Variants in TGFBR2 observed in about 807,000 individuals in gnomAD.
TGFBR2 encodes transforming growth factor beta receptor 2.
A neutral mutation model predicts 49.0 loss-of-function variants in TGFBR2; 18 were observed. The ratio of observed to expected loss-of-function variants is 0.37; its 90% CI spans 0.25 to 0.54. The LOEUF is 0.54. Ranked by LOEUF, TGFBR2 falls within the 20% of genes least tolerant of loss-of-function variation. The pLI is 0.85. For missense variants in TGFBR2, 525 were observed against 722.6 expected (o/e 0.73, Z 3.13); for synonymous variants, 282 against 275.9 (o/e 1.02, Z -0.22).
chr3:30,640,830 G>C (rs2125401224), intron 1 of TGFBR2, among the ~76,000 whole-genome samples: 1 of 152,256 alleles, frequency 6.6e-6, no homozygotes, highest in South Asian at 2.1e-4. Context: ...GTTTGCTATA[G>C]GGTTAATTAG....
chr3:30,647,476 A>G (rs1225290704), intron 2 of TGFBR2, among the ~76,000 whole-genome samples: 1 of 152,146 alleles, frequency 6.6e-6, no homozygotes, highest in Non-Finnish European at 1.5e-5. Context: ...AGGCTATTGT[A>G]AAAATAGCCA....
At chr3:30,626,931 A>G (rs1698341938) in intron 1 of TGFBR2, 1 of 152,234 alleles carries the variant, frequency 6.6e-6, no homozygotes, top group African/African-American at 2.4e-5. Context: ...AAAGGTAATC[A>G]GATTATGGGA....
intron 1 of TGFBR2, among the ~76,000 whole-genome samples, chr3:30,608,093 C>T (rs1217627451): frequency 6.6e-6 from 1 of 151,762 alleles, no homozygotes; most frequent in Non-Finnish European, 1.5e-5. Flanking sequence ...CGCGTGCCAC[C>T]ACGCCCAGCT....
chr3:30,678,752 A>G (rs1264084208), intron 5 of TGFBR2, among the ~76,000 whole-genome samples: 1 of 152,132 alleles, frequency 6.6e-6, no homozygotes, highest in Non-Finnish European at 1.5e-5. Flanking sequence ...CTGTACTGAG[A>G]GAGTCCCTAG....
chr3:30,611,194 A>G (rs553577188), intron 1 of TGFBR2, among the ~76,000 whole-genome samples: 1 of 152,312 alleles, frequency 6.6e-6, no homozygotes, highest in East Asian at 1.9e-4. Context: ...GCAGTGCCTG[A>G]CACATCATTT....
At chr3:30,607,218 G>A (rs1283813536) in intron 1 of TGFBR2, among the ~76,000 whole-genome samples, 1 of 152,244 alleles carries the variant, frequency 6.6e-6, no homozygotes, top group African/African-American at 2.4e-5. Flanking sequence ...CCCTTTGTGC[G>A]AGCAGGAAAG....
rs116261506 is a variant in TGFBR2 at position 30,616,209 on chromosome 3, A to G, written c.94+9232A>G. 5.1e-3 allele frequency among the ~76,000 whole-genome samples: 780 copies of G among 152,320 alleles called. 10 individuals are homozygous for G. The highest frequency in any genetic ancestry group is 0.018 in the African/African-American group (747 of 41,554). The stretch of plus-strand genomic sequence containing the variant: ...AATGGTAGGATTTGTTTGTTGGTTT[A>G]GAAAATAAATGTTAAAAAATGCCTC... On this transcript the variant is annotated intron_variant, in intron 1 of 6. Transcript: ENST00000295754.
At chr3:30,622,052 G>T (rs1559448833) in intron 1 of TGFBR2, among the ~76,000 whole-genome samples, 2 of 152,118 alleles carry the variant, frequency 1.3e-5, no homozygotes, top group African/African-American at 4.8e-5. Context: ...TTCTTCAGAG[G>T]TACATCTTTA....
chr3:30,684,146 G>A (rs888902916), intron 5 of TGFBR2, among the ~76,000 whole-genome samples: 2 of 152,076 alleles, frequency 1.3e-5, no homozygotes, highest in African/African-American at 4.8e-5. Flanking sequence ...GGCCATAGTA[G>A]GAAAAATGAG....
chr3:30,633,232 A>G (rs1698469201), intron 1 of TGFBR2, among the ~76,000 whole-genome samples: 1 of 152,204 alleles, frequency 6.6e-6, no homozygotes, highest in South Asian at 2.1e-4. Flanking sequence ...ATAAAATGTT[A>G]ATGACAAAAT....
chr3:30,678,116 C>T (rs1436976005), intron 5 of TGFBR2, among the ~76,000 whole-genome samples: 1 of 152,156 alleles, frequency 6.6e-6, no homozygotes, highest in Non-Finnish European at 1.5e-5. Context: ...GGAACCAGAT[C>T]TCCAGAGTCA....
intron 1 of TGFBR2, among the ~76,000 whole-genome samples, chr3:30,641,135 G>A (rs372357556): frequency 6.6e-6 from 1 of 152,130 alleles, no homozygotes; most frequent in Non-Finnish European, 1.5e-5. Flanking sequence ...GGATTCCGGG[G>A]TTGGCTTGGG....
chr3:30,619,775 C>T (rs1312052436), intron 1 of TGFBR2, among the ~76,000 whole-genome samples: 1 of 152,134 alleles, frequency 6.6e-6, no homozygotes, highest in African/African-American at 2.4e-5. Flanking sequence ...AGTGGGCCTT[C>T]CTTGATTATC....
chr3:30,639,518 GC>G (rs1698606198), intron 1 of TGFBR2, among the ~76,000 whole-genome samples: 1 of 152,126 alleles, frequency 6.6e-6, no homozygotes, highest in Non-Finnish European at 1.5e-5. Context: ...AGACTTGCCA[GC>G]CCCCACAATA....
At chr3:30,651,978 G>A (rs777027086) in intron 3 of TGFBR2, among the ~76,000 whole-genome samples, 10 of 152,174 alleles carry the variant, frequency 6.6e-5, no homozygotes, top group African/African-American at 9.7e-5. Flanking sequence ...TTCCACCTGC[G>A]AGAAGCTATG....
chr3:30,633,238 A>G (rs993579685), intron 1 of TGFBR2, among the ~76,000 whole-genome samples: 1 of 152,220 alleles, frequency 6.6e-6, no homozygotes, highest in African/African-American at 2.4e-5. Flanking sequence ...TGTTAATGAC[A>G]AAATTGCATG....
At chr3:30,662,326 T>C in intron 3 of TGFBR2, among the ~76,000 whole-genome samples, 1 of 152,234 alleles carries the variant, frequency 6.6e-6, no homozygotes, top group East Asian at 1.9e-4. Context: ...CTCATGGGTA[T>C]TCTAGAAAGA....
intron 1 of TGFBR2, among the ~76,000 whole-genome samples, chr3:30,643,722 T>C (rs1468055387): frequency 6.6e-6 from 1 of 152,202 alleles, no homozygotes; most frequent in Non-Finnish European, 1.5e-5. Context: ...GGAGATATAG[T>C]AGGTAAGTGA....
At chr3:30,685,790 C>G (rs1016893765) in intron 5 of TGFBR2, among the ~76,000 whole-genome samples, 1 of 152,220 alleles carries the variant, frequency 6.6e-6, no homozygotes, top group African/African-American at 2.4e-5. Flanking sequence ...GAGCCAACAC[C>G]TGTGGCAGCT....
Sources: gnomAD v4.1 joint callset for allele counts (sites outside exome capture counted in the v4.1 genomes callset) on GRCh38, gnomAD v4.1.1 for gene constraint, MANE v1.5 for transcripts, NCBI Gene and HGNC (gene_info 2026-07-23, HGNC 2026-07-21) for gene names.